ATF1: variants seen among roughly 807,000 people sequenced by gnomAD.
ATF1 encodes activating transcription factor 1, also known as cyclic AMP-dependent transcription factor ATF-1.
ATF1 carries 16 observed loss-of-function variants against 34.7 expected under a neutral mutation model. That is an observed-to-expected ratio of 0.46 (90% CI 0.31 to 0.70). ATF1 has a LOEUF of 0.70. Ranked by LOEUF, ATF1 falls within the 30% of genes least tolerant of loss-of-function variation. ATF1 has a pLI of 0.05. For missense variants in ATF1, 255 were observed against 321.6 expected, an observed-to-expected ratio of 0.79 and a Z score of 1.58; for synonymous variants, 105 against 113.1, an observed-to-expected ratio of 0.93 and a Z score of 0.46.
intron 4 of ATF1, among the ~76,000 whole-genome samples, chr12:50,813,044 A>G (rs566940436): frequency 1.4e-3 from 208 of 152,366 alleles, no homozygotes; most frequent in African/African-American, 4.9e-3. Context: ...AAGAGGGTAC[A>G]GAGATGAGGC....
intron 1 of ATF1, among the ~76,000 whole-genome samples, chr12:50,776,465 C>G (rs1940926915): frequency 6.9e-6 from 1 of 145,674 alleles, no homozygotes; most frequent in Non-Finnish European, 1.5e-5. Flanking sequence ...TGCACTCCAG[C>G]CAGGGTCACA....
intron 3 of ATF1, among the ~76,000 whole-genome samples, chr12:50,797,651 G>A (rs572807419): frequency 2.6e-5 from 4 of 151,860 alleles, no homozygotes; most frequent in Admixed American, 2.0e-4. Context: ...TTTAATTTTT[G>A]GTAGAGATAG....
chr12:50,791,915 T>C (rs1176559800), intron 2 of ATF1, among the ~76,000 whole-genome samples: 2 of 152,172 alleles, frequency 1.3e-5, no homozygotes, highest in Non-Finnish European at 2.9e-5. Flanking sequence ...ACTTGAAATA[T>C]ATATATATAT....
intron 3 of ATF1, among the ~76,000 whole-genome samples, chr12:50,806,761 T>A (rs2139684816): frequency 6.6e-6 from 1 of 152,058 alleles, no homozygotes; most frequent in South Asian, 2.1e-4. Context: ...TAGACCTACT[T>A]ACTCAATGAT....
At chr12:50,796,267 C>T (rs903185274) in intron 3 of ATF1, among the ~76,000 whole-genome samples, 3 of 152,040 alleles carry the variant, frequency 2.0e-5, no homozygotes, top group East Asian at 1.9e-4. Context: ...TAGTGGCGCA[C>T]GCCTGTAGTC....
chr12:50,809,184 G>A (rs958110750), intron 3 of ATF1, among the ~76,000 whole-genome samples: 2 of 151,990 alleles, frequency 1.3e-5, no homozygotes, highest in African/African-American at 4.8e-5. Flanking sequence ...GACCAGCCTG[G>A]CCAACATGGT....
intron 1 of ATF1, among the ~76,000 whole-genome samples, chr12:50,777,859 A>C (rs1940963005): frequency 6.6e-6 from 1 of 152,082 alleles, no homozygotes; most frequent in Non-Finnish European, 1.5e-5. Context: ...TTATTAATTC[A>C]ATGAAGCCTG....
chr12:50,799,033 A>G (rs529254682), intron 3 of ATF1, among the ~76,000 whole-genome samples: 1 of 152,292 alleles, frequency 6.6e-6, no homozygotes, highest in African/African-American at 2.4e-5. Flanking sequence ...TGGAACCACA[A>G]CCCACAGAAG....
chr12:50,770,865 G>C (rs1446558369), intron 1 of ATF1, among the ~76,000 whole-genome samples: 1 of 152,144 alleles, frequency 6.6e-6, no homozygotes, highest in African/African-American at 2.4e-5. Context: ...TAAAAATCTG[G>C]ATCAGTATTC....
chr12:50,767,209 AAGTGAATGGTT>A (rs1036454521), intron 1 of ATF1, among the ~76,000 whole-genome samples: 2 of 140,622 alleles, frequency 1.4e-5, no homozygotes, highest in Non-Finnish European at 3.2e-5. Context: ...ACAAATGGTT[AAGTGAATGGTT>A]AAAAAAAAAA....
rs1231701150 is a variant in ATF1 at position 50,819,772 on chromosome 12, G to GTGTT, written c.812_815dup (p.Ter272CysfsTer17). On this transcript the variant is annotated frameshift_variant, in exon 7 of 7. Transcript: ENST00000262053. LOFTEE classifies it high-confidence loss of function. ...TTGAAGGATCTTTATTCCAATAAAA[G>GTGTT]TGTTTGATTCCTAAGAAAGAAAATA... is the stretch of plus-strand genomic sequence containing the variant. The GTGTT allele has an allele frequency of 2.6e-6, 4 of 1,537,994 alleles. No homozygotes were observed. In the African/African-American group the frequency reaches 4.2e-5, roughly 16 times the overall value.
At chr12:50,773,383 C>G (rs1940827331) in intron 1 of ATF1, among the ~76,000 whole-genome samples, 1 of 150,690 alleles carries the variant, frequency 6.6e-6, no homozygotes, top group Non-Finnish European at 1.5e-5. Context: ...CTCCCACCAA[C>G]AACGTAAAAG....
chr12:50,785,191 G>C (rs1275288531), intron 2 of ATF1, among the ~76,000 whole-genome samples: 1 of 150,350 alleles, frequency 6.7e-6, no homozygotes, highest in South Asian at 2.1e-4. Flanking sequence ...GGAGGCTCAG[G>C]TGGGAGGACT....
rs147217794 is a variant in ATF1, at chr12:50,770,375, G to T, written c.-7+6068G>T. On this transcript the variant is annotated intron_variant, in intron 1 of 6. Coordinates refer to ENST00000262053, the MANE Select transcript of ATF1 (RefSeq NM_005171.5). ...CCTTGCCTACACAGTGCCTGTACAG[G>T]GTTTCTGACCTATGGTAAGTAAAGA... is the stretch of plus-strand genomic sequence containing the variant. 5.7e-4 allele frequency among the ~76,000 whole-genome samples: 87 copies of T among 152,214 alleles called. No individual in the cohort carries two copies. The East Asian group carries it at 0.016, about 28-fold the overall frequency.
chr12:50,769,440 G>A (rs932188573), intron 1 of ATF1, among the ~76,000 whole-genome samples: 1 of 151,640 alleles, frequency 6.6e-6, no homozygotes, highest in Non-Finnish European at 1.5e-5. Context: ...GGAGGGGGAG[G>A]TTGCAGTGAT....
At chr12:50,799,710 C>G (rs950465565) in intron 3 of ATF1, among the ~76,000 whole-genome samples, 4 of 152,018 alleles carry the variant, frequency 2.6e-5, no homozygotes, top group Admixed American at 1.3e-4. Flanking sequence ...CTAAGAAACA[C>G]AGTAACAGAG....
chr12:50,795,396 C>G (rs1235104866), intron 2 of ATF1, among the ~76,000 whole-genome samples: 1 of 152,134 alleles, frequency 6.6e-6, no homozygotes, highest in Admixed American at 6.6e-5. Flanking sequence ...TGAGCTCATC[C>G]AGTCTCATGG....
At chr12:50,764,834 G>C (rs995364554) in intron 1 of ATF1, among the ~76,000 whole-genome samples, 1 of 152,250 alleles carries the variant, frequency 6.6e-6, no homozygotes, top group Non-Finnish European at 1.5e-5. Context: ...CCGACGCACG[G>C]GCATTGCGCA....
intron 3 of ATF1, among the ~76,000 whole-genome samples, chr12:50,804,970 C>T (rs1271024342): frequency 2.0e-5 from 3 of 151,928 alleles, no homozygotes; most frequent in Admixed American, 1.3e-4. Context: ...CCACCACGCC[C>T]AGCTAACTTT....
Sources: gnomAD v4.1 joint callset for allele counts (sites outside exome capture counted in the v4.1 genomes callset) on GRCh38, gnomAD v4.1.1 for gene constraint, MANE v1.5 for transcripts, NCBI Gene and HGNC (gene_info 2026-07-23, HGNC 2026-07-21) for gene names.